The following NID1 variants were observed in gnomAD, a reference collection of about 807,000 sequenced individuals.
The protein encoded by NID1 is nidogen 1, also known as nidogen-1.
NID1 carries 76 observed loss-of-function variants against 130.6 expected under a neutral mutation model. The observed-to-expected ratio is 0.58, with a 90% CI of 0.48 to 0.70. The LOEUF (loss-of-function observed/expected upper bound fraction) is 0.70, where lower values mean the gene tolerates loss of function less well. Ranked by LOEUF, NID1 falls within the 30% of genes least tolerant of loss-of-function variation. The pLI, the probability that NID1 is intolerant of heterozygous loss-of-function variation, is 0.00. For missense variants in NID1, 1,517 were observed against 1,664.8 expected (o/e 0.91, Z 1.54); for synonymous variants, 665 against 675.1 (o/e 0.98, Z 0.23).
At position 236,063,167 on chromosome 1, in the gene NID1, A is replaced by AAT. The variant is rs1446203320; in HGVS notation, c.225+1687_225+1688insAT. 1.7e-4 allele frequency among the ~76,000 whole-genome samples: 26 copies of AAT among 148,604 alleles called. No homozygotes were observed. The East Asian group carries it at 4.6e-3, about 26-fold the overall frequency. On this transcript the variant is annotated intron_variant, in intron 1 of 19. Transcript: ENST00000264187. ...AGACTTCATCTCAAAAAAAAAAAAA[A>AAT]AAAAAAAAGTAAGCATATATTGGGC...
At chr1:236,059,791 A>G (rs35474475) in intron 1 of NID1, among the ~76,000 whole-genome samples, 4 of 152,336 alleles carry the variant, frequency 2.6e-5, no homozygotes, top group African/African-American at 9.6e-5. Flanking sequence ...AAGCAAGTTT[A>G]TTAAGAAAGT....
chr1:236,038,305 C>T, intron 4 of NID1, 52 bp from the exon 5 acceptor site: 1 of 1,580,498 alleles, frequency 6.3e-7, no homozygotes, highest in South Asian at 1.1e-5. Context: ...CAGCTCTAGC[C>T]CGGTGGGCTC....
chr1:236,057,611 T>A (rs904984073), intron 1 of NID1, among the ~76,000 whole-genome samples: 1 of 151,468 alleles, frequency 6.6e-6, no homozygotes, highest in African/African-American at 2.4e-5. Flanking sequence ...ACACCTGTAA[T>A]CCCAGCTACT....
chr1:235,993,787 C>G lies in NID1; in HGVS notation c.2613G>C (p.Pro871=). Residue 871 remains proline (P), a synonymous_variant, in exon 13 of 20, where the codon CCG becomes CCC. Coordinates refer to ENST00000264187, the MANE Select transcript of NID1 (RefSeq NM_002508.3). ...GATDPQRPIP[P]GLFVPECDAH... Reference sequence around the variant, plus strand: ...CATCGCACTCAGGAACGAACAGCCCCGGAGGAATGGGTCGCTGTGGGTCTG... The same window carrying G: ...CATCGCACTCAGGAACGAACAGCCCGGGAGGAATGGGTCGCTGTGGGTCTG... 2 of 1,614,178 alleles carry G rather than the reference C, an allele frequency of 1.2e-6. No homozygotes were observed. The highest frequency in any genetic ancestry group is 8.5e-7 in the Non-Finnish European group (1 of 1,180,040).
rs775747041 is a variant in NID1 at position 235,980,612 on chromosome 1, A to G, written c.3269T>C (p.Ile1090Thr). 4 of 1,614,200 alleles carry G rather than the reference A, an allele frequency of 2.5e-6. No homozygotes were observed. The highest frequency in any genetic ancestry group is 1.7e-6 in the Non-Finnish European group (2 of 1,180,034). Residue 1090 changes from isoleucine to threonine, a missense_variant, in exon 17 of 20, where the codon ATT (isoleucine) becomes ACT (threonine). Ile to Thr is a moderately conservative substitution (Grantham distance 89). Transcript: ENST00000264187. The stretch of plus-strand genomic sequence containing the variant: ...CGTGCCGTCCATGTAGGAAGTTTCA[A>G]TCTTGGGGTTATCTCTGTTCCAGTC... ...WTDWNRDNPK[I>T]ETSYMDGTNR...
At chr1:236,047,110 CAAAACA>C (rs374962500) in intron 2 of NID1, among the ~76,000 whole-genome samples, 6 of 151,948 alleles carry the variant, frequency 3.9e-5, no homozygotes, top group South Asian at 4.2e-4. Flanking sequence ...GACTCTGTCT[CAAAACA>C]AAAACAAAAA....
chr1:236,051,623 G>C (rs1275255781), intron 1 of NID1, among the ~76,000 whole-genome samples: 1 of 152,190 alleles, frequency 6.6e-6, no homozygotes, highest in African/African-American at 2.4e-5. Context: ...CAGACACGGG[G>C]CTTCTTCCAG....
chr1:236,011,976 G>A lies in NID1; in HGVS notation c.2472C>T (p.Phe824=), dbSNP rs201276153. The A allele has an allele frequency of 6.2e-7, 1 of 1,614,248 alleles. No homozygotes were observed. Among genetic ancestry groups the A allele is most frequent in the African/African-American group, 1.3e-5 (1 of 75,074 alleles). ...DAFCYNTPGS[F]TCQCKPGYQG... is the part of the protein sequence containing the mutation. ...GATAACCAGGTTTGCACTGGCACGT[G>A]AAAGAGCCTGGAGTGTTGTAGCAGA... is the stretch of plus-strand genomic sequence containing the variant. Residue 824 remains phenylalanine (F), a synonymous_variant, in exon 12 of 20, where the codon TTC becomes TTT. Coordinates refer to ENST00000264187, the MANE Select transcript of NID1 (RefSeq NM_002508.3).
Position 236,028,473 on chromosome 1 carries a change from A to C in NID1, c.1738+1077T>G, listed in dbSNP as rs888976463. Among the ~76,000 whole-genome samples the C allele has an allele frequency of 2.6e-5, 4 of 152,130 alleles. No homozygotes were observed. In the South Asian group the frequency reaches 6.2e-4, roughly 24 times the overall value. On this transcript the variant is annotated intron_variant, in intron 7 of 19. Transcript: ENST00000264187. ...CAGTGAGCCGAGACTGCACCACTGC[A>C]CTCCAGCTTGGGCGACAGAGTGAGG...
chr1:236,031,104 C>G (rs540324135), intron 6 of NID1, among the ~76,000 whole-genome samples: 1 of 151,866 alleles, frequency 6.6e-6, no homozygotes, highest in African/African-American at 2.4e-5. Context: ...CAGGTTCAAT[C>G]CTTTTCTTTT....
At chr1:235,992,283 A>G (rs1657772451) in intron 13 of NID1, among the ~76,000 whole-genome samples, 1 of 151,994 alleles carries the variant, frequency 6.6e-6, no homozygotes, top group Admixed American at 6.6e-5. Context: ...AATCTGGTCA[A>G]CCTCTTTCAT....
chr1:236,009,289 C>G (rs1407296487), intron 12 of NID1, among the ~76,000 whole-genome samples: 1 of 152,210 alleles, frequency 6.6e-6, no homozygotes, highest in East Asian at 1.9e-4. Context: ...GTCTGGCCGT[C>G]TGTGAACTAG....
intron 13 of NID1, among the ~76,000 whole-genome samples, chr1:235,992,541 C>T (rs548969071): frequency 6.6e-6 from 1 of 152,330 alleles, no homozygotes; most frequent in African/African-American, 2.4e-5. Context: ...GAAAGCCTCA[C>T]CCATGAGCCC....
chr1:236,026,489 C>T (rs1343723077), intron 7 of NID1, among the ~76,000 whole-genome samples: 2 of 152,182 alleles, frequency 1.3e-5, no homozygotes, highest in African/African-American at 4.8e-5. Context: ...CCTGAATTCA[C>T]ACTCAGTACC....
At chr1:236,061,256 T>C (rs1042183912) in intron 1 of NID1, among the ~76,000 whole-genome samples, 4 of 152,166 alleles carry the variant, frequency 2.6e-5, no homozygotes, top group Admixed American at 6.5e-5. Context: ...AGGAAATAGA[T>C]GATAAGGCCA....
intron 12 of NID1, among the ~76,000 whole-genome samples, chr1:235,999,777 T>G (rs1158552577): frequency 6.6e-6 from 1 of 151,864 alleles, no homozygotes; most frequent in Non-Finnish European, 1.5e-5. Flanking sequence ...AAAATAAAAT[T>G]CCAAGTCCGC....
At chr1:235,991,611 G>A (rs1473433667) in intron 13 of NID1, among the ~76,000 whole-genome samples, 1 of 152,182 alleles carries the variant, frequency 6.6e-6, no homozygotes, top group Non-Finnish European at 1.5e-5. Context: ...GGGATTACAG[G>A]TGTGAGCCAC....
intron 5 of NID1, among the ~76,000 whole-genome samples, chr1:236,034,850 A>G (rs1659205880): frequency 6.6e-6 from 1 of 152,120 alleles, no homozygotes; most frequent in Non-Finnish European, 1.5e-5. Context: ...TGCATTGTTT[A>G]TATTTGATGT....
At chr1:236,005,666 C>T (rs1054217207) in intron 12 of NID1, among the ~76,000 whole-genome samples, 5 of 152,026 alleles carry the variant, frequency 3.3e-5, no homozygotes, top group African/African-American at 4.8e-5. Flanking sequence ...TAGTAGATAT[C>T]TATTCATATT....
Sources: allele counts gnomAD v4.1 joint callset (sites outside exome capture counted in the v4.1 genomes callset), GRCh38; gene constraint gnomAD v4.1.1; transcripts MANE v1.5; gene names NCBI Gene and HGNC (gene_info 2026-07-23, HGNC 2026-07-21).